The following NAA15 variants were observed in gnomAD, a reference collection of about 807,000 sequenced individuals.
NAA15 encodes the protein N-terminal acetyltransferase.
A neutral mutation model predicts 114.0 loss-of-function variants in NAA15; 34 were observed. That is an observed-to-expected ratio of 0.30 (90% CI 0.23 to 0.40). NAA15 has a LOEUF of 0.40. NAA15 is among the 10% of genes least tolerant of loss of function. NAA15 has a pLI of 1.00. For missense variants in NAA15, 658 were observed against 1,004.5 expected (o/e 0.66, Z 4.66); for synonymous variants, 340 against 338.0 (o/e 1.01, Z -0.06).
chr4:139,332,692 C>T (rs1213894429), intron 1 of NAA15, among the ~76,000 whole-genome samples: 1 of 141,362 alleles, frequency 7.1e-6, no homozygotes, highest in Non-Finnish European at 1.5e-5. Context: ...AAATGATTCT[C>T]CTGCCTCAGT....
At chr4:139,386,458 A>G (rs1748912282) in intron 19 of NAA15, 2 of 320,184 alleles carry the variant, frequency 6.2e-6, no homozygotes, top group Non-Finnish European at 5.7e-6. Flanking sequence ...TATACATTCC[A>G]TCGTCATTTT....
At chr4:139,310,281 T>C (rs938796158) in intron 1 of NAA15, among the ~76,000 whole-genome samples, 2 of 150,294 alleles carry the variant, frequency 1.3e-5, no homozygotes, top group Non-Finnish European at 3.0e-5. Flanking sequence ...GGTGAAACCC[T>C]GTCTCTACTA....
At position 139,314,998 on chromosome 4, in the gene NAA15, C is replaced by CAGTTCAGTTTAGTTTAGTTTAGTTT. The variant is rs1553992502; in HGVS notation, c.54+13171_54+13172insCAGTTTAGTTTAGTTTAGTTTAGTT. ...GCCTAGAGAAGCGTTCAGTTCAGTT[C>CAGTTCAGTTTAGTTTAGTTTAGTTT]AGTTTAGTTTAGGTTAGGTTAGGTT... On this transcript the variant is annotated intron_variant, in intron 1 of 19. Transcript: ENST00000296543. Among the ~76,000 whole-genome samples, 239 of 66,642 alleles carry CAGTTCAGTTTAGTTTAGTTTAGTTT rather than the reference C, an allele frequency of 3.6e-3. 16 individuals carry two copies. The highest frequency in any genetic ancestry group is 7.3e-3 in the South Asian group (15 of 2,058). The allele number at this position is 66,642 out of a possible 152,430, so 43.7% of individuals were successfully genotyped here.
At chr4:139,323,834 C>T (rs1205025022) in intron 1 of NAA15, among the ~76,000 whole-genome samples, 1 of 152,162 alleles carries the variant, frequency 6.6e-6, no homozygotes, top group East Asian at 1.9e-4. Context: ...TATTCTTATA[C>T]ATTTGGGAGC....
At chr4:139,356,088 A>G (rs1747940119) in intron 10 of NAA15, among the ~76,000 whole-genome samples, 2 of 152,222 alleles carry the variant, frequency 1.3e-5, no homozygotes, top group African/African-American at 4.8e-5. Context: ...GTTTTTAAAA[A>G]GTATTATGAA....
At chr4:139,318,847 CA>C (rs112126190) in intron 1 of NAA15, among the ~76,000 whole-genome samples, 190 of 133,306 alleles carry the variant, frequency 1.4e-3, no homozygotes, top group Middle Eastern at 3.8e-3. Context: ...GACCCCATCT[CA>C]AAAAAAAAAA....
At chr4:139,319,442 T>C (rs1481847204) in intron 1 of NAA15, among the ~76,000 whole-genome samples, 1 of 150,638 alleles carries the variant, frequency 6.6e-6, no homozygotes, top group Non-Finnish European at 1.5e-5. Context: ...TTTGCTTTTA[T>C]TTATTTATTT....
At chr4:139,341,609 A>AG (rs1247438836) in intron 4 of NAA15, among the ~76,000 whole-genome samples, 1 of 150,724 alleles carries the variant, frequency 6.6e-6, no homozygotes, top group Non-Finnish European at 1.5e-5. Context: ...AAAAAAAAAA[A>AG]AAAAAAAAAA....
At chr4:139,337,425 T>G (rs1747235944) in intron 3 of NAA15, among the ~76,000 whole-genome samples, 1 of 152,208 alleles carries the variant, frequency 6.6e-6, no homozygotes, top group South Asian at 2.1e-4. Context: ...CCATTTCAGC[T>G]TCTTTCTGTG....
chr4:139,382,556 G>A (rs1235254662), intron 17 of NAA15, among the ~76,000 whole-genome samples: 1 of 152,090 alleles, frequency 6.6e-6, no homozygotes, highest in Non-Finnish European at 1.5e-5. Flanking sequence ...CAAGGCCTAT[G>A]TAAATAATTT....
intron 16 of NAA15, among the ~76,000 whole-genome samples, chr4:139,377,087 T>C (rs975619014): frequency 2.0e-5 from 3 of 152,122 alleles, no homozygotes; most frequent in African/African-American, 7.2e-5. Flanking sequence ...ATTTTCCAAG[T>C]GGTTAATTGA....
At chr4:139,322,281 A>G (rs551871325) in intron 1 of NAA15, among the ~76,000 whole-genome samples, 54 of 152,170 alleles carry the variant, frequency 3.5e-4, no homozygotes, top group Middle Eastern at 3.4e-3. Context: ...TAAAAAGGGG[A>G]GTTTCCCTGC....
rs535193000 is a variant in NAA15, at chr4:139,366,295, A to T, written c.1754-3916A>T. Among the ~76,000 whole-genome samples the T allele has an allele frequency of 5.3e-5, 8 of 152,168 alleles. No individual in the cohort carries two copies. In the South Asian group the frequency reaches 1.7e-3, roughly 32 times the overall value. The stretch of plus-strand genomic sequence containing the variant: ...GGCTTGGCTAGGACTGAAGGGATCC[A>T]TTTCCTAGATGGCTTACTCAACCTG... On this transcript the variant is annotated intron_variant, in intron 14 of 19. Transcript: ENST00000296543.
At chr4:139,354,577 G>A (rs1747881230) in intron 10 of NAA15, among the ~76,000 whole-genome samples, 1 of 152,118 alleles carries the variant, frequency 6.6e-6, no homozygotes, top group Non-Finnish European at 1.5e-5. Context: ...GAGATTATAG[G>A]CATGGGCCAC....
At chr4:139,364,542 G>C (rs577596871) in intron 14 of NAA15, among the ~76,000 whole-genome samples, 1 of 151,900 alleles carries the variant, frequency 6.6e-6, no homozygotes, top group South Asian at 2.1e-4. Flanking sequence ...TGTATTCCTC[G>C]CTGATTTCAA....
chr4:139,376,792 G>C (rs1240781637), intron 16 of NAA15, among the ~76,000 whole-genome samples: 1 of 152,150 alleles, frequency 6.6e-6, no homozygotes, highest in Non-Finnish European at 1.5e-5. Flanking sequence ...CTAGTACCTG[G>C]TATATAGTAA....
chr4:139,329,444 G>A (rs919364662), intron 1 of NAA15, among the ~76,000 whole-genome samples: 1 of 152,118 alleles, frequency 6.6e-6, no homozygotes, highest in African/African-American at 2.4e-5. Flanking sequence ...TGTCTTTAAA[G>A]AGTGGTGTTG....
chr4:139,341,329 C>G (rs1747379751), intron 4 of NAA15, among the ~76,000 whole-genome samples: 1 of 151,874 alleles, frequency 6.6e-6, no homozygotes, highest in Non-Finnish European at 1.5e-5. Context: ...GGTGCGGTGG[C>G]TCACGCCTGT....
chr4:139,351,984 C>T (rs1035934914), intron 9 of NAA15, among the ~76,000 whole-genome samples: 3 of 151,330 alleles, frequency 2.0e-5, no homozygotes, highest in African/African-American at 4.9e-5. Flanking sequence ...AGTCTTCTTT[C>T]TCCTTTTTAA....
Sources: gnomAD v4.1 joint callset for allele counts (sites outside exome capture counted in the v4.1 genomes callset) on GRCh38, gnomAD v4.1.1 for gene constraint, MANE v1.5 for transcripts, NCBI Gene and HGNC (gene_info 2026-07-23, HGNC 2026-07-21) for gene names.